NDUFA10: variants seen among roughly 807,000 people sequenced by gnomAD.
NDUFA10 encodes NADH:ubiquinone oxidoreductase subunit A10.
Under a neutral mutation model 47.8 loss-of-function variants are expected in NDUFA10, and 40 were observed. The ratio of observed to expected loss-of-function variants is 0.84; its 90% CI spans 0.65 to 1.09. The LOEUF (loss-of-function observed/expected upper bound fraction) is 1.09, where lower values mean the gene tolerates loss of function less well. Ranked by LOEUF, NDUFA10 falls within the 50% of genes least tolerant of loss-of-function variation. The pLI is 0.00. For synonymous variants in NDUFA10, 183 were observed against 172.2 expected, an observed-to-expected ratio of 1.06 and a Z score of -0.49; for missense variants, 413 against 451.1, an observed-to-expected ratio of 0.92 and a Z score of 0.76.
chr2:239,946,106 T>C (rs1412004832), intron 4 of NDUFA10, among the ~76,000 whole-genome samples: 2 of 152,214 alleles, frequency 1.3e-5, no homozygotes, highest in East Asian at 3.9e-4. Context: ...GGCAGCTGTG[T>C]GTGTTCGGCC....
chr2:239,894,735 C>T (rs1387650588), intron 5 of NDUFA10, among the ~76,000 whole-genome samples: 3 of 152,170 alleles, frequency 2.0e-5, no homozygotes, highest in African/African-American at 4.8e-5. Context: ...CCCCTTTTCT[C>T]CCTCACCAAC....
chr2:239,901,170 C>G (rs909730809), intron 4 of NDUFA10, among the ~76,000 whole-genome samples: 1 of 152,130 alleles, frequency 6.6e-6, no homozygotes, highest in Non-Finnish European at 1.5e-5. Context: ...AATCCTAGGA[C>G]CCTTAAAAAT....
rs943689107 is a variant in NDUFA10, at chr2:239,959,223, C to A, written c.*1895G>T. On this transcript the variant is annotated 3_prime_UTR_variant, in exon 10 of 10. Transcript: ENST00000252711. ...AAACACAGGGGATGATCAGAGCACCCGAGTCCACACCATGCCGACACGGAG... is the reference window on the plus strand; with the variant it reads ...AAACACAGGGGATGATCAGAGCACCAGAGTCCACACCATGCCGACACGGAG... The A allele has an allele frequency of 5.1e-6, 5 of 984,404 alleles. No individual in the cohort carries two copies. In the East Asian group the frequency reaches 5.7e-4, roughly 112 times the overall value. 61.0% of individuals were successfully genotyped at this position (984,404 alleles called of 1,614,324 possible). A position where few individuals can be genotyped will look rare whatever the true frequency, so the allele number is the denominator to read the frequency against.
chr2:239,904,626 G>C lies in NDUFA10; in HGVS notation c.295-9312C>G, dbSNP rs115450165. Among the ~76,000 whole-genome samples the C allele has an allele frequency of 8.9e-3, 1,357 of 152,308 alleles. 21 individuals are homozygous for C. Among genetic ancestry groups the C allele is most frequent in the African/African-American group, 0.031 (1,282 of 41,564 alleles). ...TTCTTCTTGTTGAGAAGGCGCCCTA[G>C]AGACTGCAGGCCCTGCCCTAGGCAC... is the stretch of plus-strand genomic sequence containing the variant. On this transcript the variant is annotated intron_variant, in intron 4 of 5. Transcript: ENST00000419408.
At chr2:239,915,526 G>A (rs1212581915) in intron 4 of NDUFA10, among the ~76,000 whole-genome samples, 1 of 127,360 alleles carries the variant, frequency 7.9e-6, no homozygotes, top group Non-Finnish European at 1.6e-5. Flanking sequence ...CACACAGACA[G>A]ATACACAAAC....
chr2:239,952,926 A>T (rs1008893575), downstream of NDUFA10, among the ~76,000 whole-genome samples: 5 of 152,226 alleles, frequency 3.3e-5, no homozygotes, highest in African/African-American at 1.2e-4. Flanking sequence ...GTGGTGGGTG[A>T]GACCCTCCTC....
chr2:240,004,850 G>A (rs1283866960), intron 8 of NDUFA10, among the ~76,000 whole-genome samples: 1 of 152,110 alleles, frequency 6.6e-6, no homozygotes, highest in Non-Finnish European at 1.5e-5. Flanking sequence ...GTTACTCAGG[G>A]TTACTTCTCT....
At chr2:239,895,682 T>C (rs1276544555) in intron 4 of NDUFA10, among the ~76,000 whole-genome samples, 1 of 152,214 alleles carries the variant, frequency 6.6e-6, no homozygotes, top group Non-Finnish European at 1.5e-5. Context: ...TAAATACAAA[T>C]ATAAAAGCAT....
At chr2:239,901,610 G>A (rs1693551987) in intron 4 of NDUFA10, among the ~76,000 whole-genome samples, 1 of 151,778 alleles carries the variant, frequency 6.6e-6, no homozygotes, top group Admixed American at 6.6e-5. Context: ...TGAACCGAGG[G>A]GTGATCTGAC....
At chr2:240,006,063 A>C (rs1335280816) in intron 7 of NDUFA10, among the ~76,000 whole-genome samples, 1 of 152,198 alleles carries the variant, frequency 6.6e-6, no homozygotes, top group African/African-American at 2.4e-5. Flanking sequence ...TTTCCAGAGG[A>C]GTAATCTTTC....
At chr2:239,944,881 C>T (rs1694419003) in intron 4 of NDUFA10, among the ~76,000 whole-genome samples, 1 of 152,194 alleles carries the variant, frequency 6.6e-6, no homozygotes, top group Non-Finnish European at 1.5e-5. Context: ...CCGCCACCAT[C>T]CGCAATAGAA....
intron 4 of NDUFA10, among the ~76,000 whole-genome samples, chr2:239,899,743 G>A (rs994130731): frequency 6.6e-6 from 1 of 151,990 alleles, no homozygotes; most frequent in African/African-American, 2.4e-5. Context: ...TTAAGGGAGT[G>A]AGAGGCTGAA....
At chr2:239,981,929 A>G (rs1051750188) in intron 9 of NDUFA10, among the ~76,000 whole-genome samples, 4 of 152,020 alleles carry the variant, frequency 2.6e-5, no homozygotes, top group Admixed American at 2.6e-4. Flanking sequence ...CCAGAAAGCG[A>G]GAAATTGCCT....
intron 9 of NDUFA10, among the ~76,000 whole-genome samples, chr2:239,975,837 C>T (rs936531798): frequency 6.6e-6 from 1 of 152,146 alleles, no homozygotes; most frequent in South Asian, 2.1e-4. Flanking sequence ...TCCACACTTC[C>T]TCCCTATTGC....
intron 2 of NDUFA10, among the ~76,000 whole-genome samples, chr2:240,021,861 C>A (rs746139556): frequency 3.3e-5 from 5 of 152,208 alleles, no homozygotes; most frequent in Admixed American, 2.0e-4. Flanking sequence ...ATTTCAGAGG[C>A]TGTCACAAAG....
chr2:239,997,774 C>T (rs76956112), intron 8 of NDUFA10, among the ~76,000 whole-genome samples: 4,385 of 152,284 alleles, frequency 0.029, 216 homozygotes, highest in African/African-American at 0.099. Context: ...TAGCAAATAC[C>T]AGGCTTTGAG....
chr2:239,913,663 C>A (rs1693792081), intron 4 of NDUFA10, among the ~76,000 whole-genome samples: 1 of 152,244 alleles, frequency 6.6e-6, no homozygotes, highest in Non-Finnish European at 1.5e-5. Flanking sequence ...AGGCCTTCTG[C>A]CTCCTGTTGC....
Position 239,960,305 on chromosome 2 carries a change from G to A in NDUFA10, c.*813C>T. Reference sequence around the variant, plus strand: ...TTTTGGTTTTCTAGGCTTCAACAGAGATGAATAAAGAAATCTGATTTTCTT... The same window carrying A: ...TTTTGGTTTTCTAGGCTTCAACAGAAATGAATAAAGAAATCTGATTTTCTT... On this transcript the variant is annotated 3_prime_UTR_variant, in exon 10 of 10. Coordinates refer to ENST00000252711, the MANE Select transcript of NDUFA10 (RefSeq NM_004544.4). 1 of 985,684 alleles carries A rather than the reference G, an allele frequency of 1.0e-6. No homozygotes were observed. The highest frequency in any genetic ancestry group is 1.7e-5 in the African/African-American group (1 of 57,356). The allele number at this position is 985,684 out of a possible 1,614,324, so 61.1% of individuals were successfully genotyped here.
At chr2:240,012,937 G>GT (rs1433781180) in intron 5 of NDUFA10, 4 of 152,218 alleles carry the variant, frequency 2.6e-5, no homozygotes, top group Admixed American at 2.6e-4. Context: ...TATTAGAGGA[G>GT]TGAGTGAAAT....
Sources: allele counts gnomAD v4.1 joint callset (sites outside exome capture counted in the v4.1 genomes callset), GRCh38; gene constraint gnomAD v4.1.1; transcripts MANE v1.5; gene names NCBI Gene and HGNC (gene_info 2026-07-23, HGNC 2026-07-21).